Variants in AOX1 observed in about 807,000 individuals in gnomAD.
AOX1 encodes aldehyde oxidase.
AOX1 carries 153 observed loss-of-function variants against 169.5 expected under a neutral mutation model. The ratio of observed to expected loss-of-function variants is 0.90; its 90% CI spans 0.79 to 1.03. The LOEUF (loss-of-function observed/expected upper bound fraction) is 1.03. Ranked by LOEUF, AOX1 falls within the 50% of genes least tolerant of loss-of-function variation. AOX1 has a pLI of 0.00. For synonymous variants in AOX1, 562 were observed against 581.9 expected (o/e 0.97, Z 0.49); for missense variants, 1,656 against 1,663.9 (o/e 1.00, Z 0.08).
chr2:200,650,259 A>G (rs191195976), intron 25 of AOX1, among the ~76,000 whole-genome samples: 175 of 152,264 alleles, frequency 1.1e-3, no homozygotes, highest in Admixed American at 3.2e-3. Context: ...CTTTCCCCCA[A>G]ATGAGATGGC....
chr2:200,669,617 T>C lies in AOX1; in HGVS notation c.3841T>C (p.Phe1281Leu), dbSNP rs139412477. ...GGTGTTCCTGGGGTGTTCCGTGTTT[T>C]TCGCTATCCATGACGCAGTGAGTGC... The part of the protein sequence containing the change: ...SGVFLGCSVF[F>L]AIHDAVSAAR... Residue 1281 changes from phenylalanine (F) to leucine (L), a missense_variant, in exon 34 of 35, where the codon TTC (phenylalanine) becomes CTC (leucine). Coordinates refer to ENST00000374700, the MANE Select transcript of AOX1 (RefSeq NM_001159.4). The C allele has an allele frequency of 1.4e-5, 23 of 1,614,078 alleles. No homozygotes were observed. In the African/African-American group the frequency reaches 2.1e-4, roughly 15 times the overall value.
intron 5 of AOX1, 23 bp from the exon 6 acceptor site, chr2:200,602,261 A>T: frequency 6.2e-7 from 1 of 1,612,412 alleles, no homozygotes; most frequent in South Asian, 1.1e-5. Flanking sequence ...CTTGGCTAAC[A>T]GAGCTGGGTT....
At chr2:200,680,678 TG>T (rs2036144728), downstream of AOX1, among the ~76,000 whole-genome samples, 1 of 152,272 alleles carries the variant, frequency 6.6e-6, no homozygotes, top group East Asian at 1.9e-4. Flanking sequence ...CATGAGTAGC[TG>T]GGATTACAGG....
chr2:200,603,132 A>G, intron 6 of AOX1, 135 bp from the exon 7 acceptor site: 3 of 688,400 alleles, frequency 4.4e-6, no homozygotes, highest in Non-Finnish European at 4.9e-6. Context: ...GGATATGTTT[A>G]AGTACAAATG....
rs145216564 is a variant in AOX1, at chr2:200,595,828, T to C, written c.200+460T>C. ...TATATTACTCTTCCAGCCCCTAACT[T>C]ATCTCCTTCCTCCCATCTGGTGCAT... On this transcript the variant is annotated intron_variant, in intron 3 of 34. Transcript: ENST00000374700. Among the ~76,000 whole-genome samples the C allele has an allele frequency of 3.0e-3, 459 of 152,332 alleles. 3 individuals are homozygous for C. The highest frequency in any genetic ancestry group is 0.011 in the African/African-American group (448 of 41,574).
intron 27 of AOX1, 76 bp from the exon 28 acceptor site, chr2:200,659,089 G>C: frequency 6.9e-7 from 1 of 1,445,136 alleles, no homozygotes; most frequent in Non-Finnish European, 9.5e-7. Flanking sequence ...TATCACACAT[G>C]TGTTACCACG....
At chr2:200,609,501 A>G (rs2034588811) in intron 12 of AOX1, 87 bp downstream of exon 12, 1 of 1,168,942 alleles carries the variant, frequency 8.6e-7, no homozygotes, top group South Asian at 1.3e-5. Flanking sequence ...AGTCTTGAAA[A>G]TGACTTTTCC....
intron 24 of AOX1, among the ~76,000 whole-genome samples, chr2:200,642,094 A>T (rs1382179070): frequency 4.6e-5 from 7 of 151,788 alleles, no homozygotes; most frequent in Non-Finnish European, 1.0e-4. Flanking sequence ...TCACCATTAC[A>T]CTCCAGCCTG....
chr2:200,601,568 A>G (rs928962622), intron 5 of AOX1, among the ~76,000 whole-genome samples: 2 of 152,170 alleles, frequency 1.3e-5, no homozygotes, highest in Non-Finnish European at 2.9e-5. Flanking sequence ...CTTATCTCCA[A>G]ATTCACCAAG....
chr2:200,632,549 G>C (rs2035149334), intron 20 of AOX1, among the ~76,000 whole-genome samples: 1 of 151,958 alleles, frequency 6.6e-6, no homozygotes, highest in South Asian at 2.1e-4. Flanking sequence ...CCCAAGAGGA[G>C]AAAGAAAGTC....
chr2:200,608,239 G>A (rs2034556543), intron 10 of AOX1, among the ~76,000 whole-genome samples: 1 of 152,168 alleles, frequency 6.6e-6, no homozygotes, highest in Admixed American at 6.5e-5. Context: ...AATACTAATT[G>A]TCTGAATAGT....
At chr2:200,600,405 C>T (rs1559232355) in intron 5 of AOX1, among the ~76,000 whole-genome samples, 1 of 152,074 alleles carries the variant, frequency 6.6e-6, no homozygotes, top group Non-Finnish European at 1.5e-5. Context: ...AAACTTGATA[C>T]TTATTGCAAA....
intron 25 of AOX1, 32 bp downstream of exon 25, chr2:200,642,833 T>C: frequency 6.3e-7 from 1 of 1,595,134 alleles, no homozygotes; most frequent in Non-Finnish European, 8.6e-7. Context: ...AGACAAAACA[T>C]GTGGAATGTC....
At chr2:200,593,264 T>C in intron 2 of AOX1, 61 bp downstream of exon 2, 3 of 1,276,554 alleles carry the variant, frequency 2.4e-6, no homozygotes, top group Non-Finnish European at 3.4e-6. Flanking sequence ...TCCAATATCC[T>C]CATTAAATGA....
intron 26 of AOX1, among the ~76,000 whole-genome samples, chr2:200,656,175 A>ATATC (rs1227518273): frequency 1.3e-5 from 2 of 152,204 alleles, no homozygotes; most frequent in Non-Finnish European, 2.9e-5. Context: ...TAGGAGGACC[A>ATATC]TTGCTGCTGA....
At chr2:200,642,191 G>A (rs1444456166) in intron 24 of AOX1, among the ~76,000 whole-genome samples, 4 of 151,974 alleles carry the variant, frequency 2.6e-5, no homozygotes, top group Non-Finnish European at 4.4e-5. Flanking sequence ...ATTGCCAGAC[G>A]TCCCCAGGAG....
chr2:200,597,523 C>T lies in AOX1; in HGVS notation c.309+18C>T, dbSNP rs1440512892. The T allele has an allele frequency of 3.2e-6, 5 of 1,555,542 alleles. No homozygotes were observed. Among genetic ancestry groups the T allele is most frequent in the Non-Finnish European group, 4.4e-6 (5 of 1,131,354 alleles). On this transcript the variant is annotated intron_variant, in intron 4 of 34. Coordinates refer to ENST00000374700, the MANE Select transcript of AOX1 (RefSeq NM_001159.4). ...CTGTTCAGGTGAGGATGTGCCTCTT[C>T]CTTATAGGCTTTCTGTGCTTTAGAA...
chr2:200,592,971 A>G (rs972609910), intron 1 of AOX1, among the ~76,000 whole-genome samples, 175 bp from the exon 2 acceptor site: 11 of 152,210 alleles, frequency 7.2e-5, no homozygotes, highest in African/African-American at 2.7e-4. Context: ...GGGGCTCAAG[A>G]TTACACATAA....
intron 19 of AOX1, among the ~76,000 whole-genome samples, chr2:200,626,494 T>C (rs2035009048): frequency 6.6e-6 from 1 of 152,266 alleles, no homozygotes; most frequent in Admixed American, 6.5e-5. Flanking sequence ...CATGGATTAC[T>C]GCAAGATAAA....
Sources: allele counts gnomAD v4.1 joint callset (sites outside exome capture counted in the v4.1 genomes callset), GRCh38; gene constraint gnomAD v4.1.1; transcripts MANE v1.5; gene names NCBI Gene and HGNC (gene_info 2026-07-23, HGNC 2026-07-21).